RACK1: variants seen among roughly 807,000 people sequenced by gnomAD.
RACK1 encodes receptor for activated C kinase 1.
Under a neutral mutation model 42.2 loss-of-function variants are expected in RACK1, and 3 were observed. That is an observed-to-expected ratio of 0.07 (90% confidence interval 0.03 to 0.18). The LOEUF (loss-of-function observed/expected upper bound fraction) is 0.18, where lower values mean the gene tolerates loss of function less well. Ranked by LOEUF, RACK1 falls within the 10% of genes least tolerant of loss-of-function variation. The pLI is 1.00. For missense variants in RACK1, 146 were observed against 403.2 expected (o/e 0.36, Z 5.46); for synonymous variants, 181 against 154.8 (o/e 1.17, Z -1.25).
At chr5:181,237,097 A>C in intron 7 of RACK1, 55 bp from the exon 8 acceptor site, 8 of 1,608,888 alleles carry the variant, frequency 5.0e-6, no homozygotes, top group Non-Finnish European at 6.8e-6. Context: ...CTGCAGTCTC[A>C]CTAGATTCAG....
In RACK1 at chr5:181,237,580, G is replaced by C. The variant is rs747018485; in HGVS notation, c.888+29C>G. On this transcript the variant is annotated intron_variant, in intron 7 of 7. Transcript: ENST00000512805. ...AGAGGGAGAAAATTAACTGGAAGCA[G>C]AATCACCTGAGAGGACAGACCCACT... 3.6e-6 allele frequency: 4 copies of C among 1,109,848 alleles called. No homozygotes were observed. In the Admixed American group the frequency reaches 5.1e-5, roughly 14 times the overall value. 68.8% of individuals were successfully genotyped at this position (1,109,848 alleles called of 1,614,324 possible).
intron 5 of RACK1, 116 bp from the exon 6 acceptor site, chr5:181,238,355 T>C: frequency 9.3e-7 from 1 of 1,073,706 alleles, no homozygotes. Flanking sequence ...CCAGGCTTCT[T>C]TGAAAGCTAA....
At chr5:181,242,457 G>A (rs1456633726) in intron 1 of RACK1, 112 bp from the exon 2 acceptor site, 12 of 713,078 alleles carry the variant, frequency 1.7e-5, no homozygotes, top group South Asian at 1.2e-4. Context: ...AACTAAGGAC[G>A]CTTAAGGAGG....
Position 181,241,596 on chromosome 5 carries a change from G to A in RACK1, c.325C>T (p.Leu109=). ...RRFVGHTKDV[L]SVAFSSDNRQ... is the part of the protein sequence containing the mutation. ...TTGTCAGAGGAGAAGGCCACACTCA[G>A]CACATCCTTGGTATGGCCCACAAAT... The change falls in exon 3 of 8, where the codon CTG becomes TTG. Residue 109 remains leucine, a synonymous_variant. Transcript: ENST00000512805. 6.2e-7 allele frequency: 1 copy of A among 1,614,050 alleles called. No individual in the cohort carries two copies. The highest frequency in any genetic ancestry group is 2.2e-5 in the East Asian group (1 of 44,882).
chr5:181,243,198 C>A (rs1264252097), intron 1 of RACK1: 2 of 1,118,176 alleles, frequency 1.8e-6, no homozygotes, highest in Middle Eastern at 2.3e-4. Context: ...TAAACGCAGT[C>A]AGGAACACAG....
intron 3 of RACK1, 59 bp downstream of exon 3, chr5:181,241,426 CAAAAAAA>C (rs57063983): frequency 1.8e-5 from 19 of 1,074,520 alleles, no homozygotes; most frequent in African/African-American, 5.6e-5. Flanking sequence ...AGACTGTCGC[CAAAAAAA>C]AAAAAAAAAA....
intron 5 of RACK1, chr5:181,238,839 A>C (rs1299159175): frequency 1.8e-6 from 1 of 547,402 alleles, no homozygotes. Context: ...AAACAACAAA[A>C]AAAACCCACA....
intron 1 of RACK1, chr5:181,243,391 A>G (rs1759429458): frequency 7.0e-7 from 1 of 1,427,304 alleles, no homozygotes; most frequent in Non-Finnish European, 9.3e-7. Flanking sequence ...CCCGGCCCGT[A>G]GGCCCCCGGC....
rs1759208271 is a variant in RACK1 at position 181,238,093 on chromosome 5, A to G, written c.777+6T>C. ...AGGTACCCAGTCAATTGTAACCCAC[A>G]CTCACCCAGATCTTGATGCTGGGGC... On this transcript the variant is annotated splice_donor_region_variant and intron_variant, in intron 6 of 7. Transcript: ENST00000512805. 6 of 1,613,852 alleles carry G rather than the reference A, an allele frequency of 3.7e-6. No individual in the cohort carries two copies. Among genetic ancestry groups the G allele is most frequent in the Non-Finnish European group, 5.1e-6 (6 of 1,179,908 alleles).
In RACK1 at chr5:181,241,543, A is replaced by G. The variant is rs759081911; in HGVS notation, c.378T>C (p.Asp126=). Residue 126 remains aspartate, a synonymous_variant, in exon 3 of 8, where the codon GAT becomes GAC. Coordinates refer to ENST00000512805, the MANE Select transcript of RACK1 (RefSeq NM_006098.5). ...DNRQIVSGSR[D]KTIKLWNTLG... ...GGGTATTCCATAGCTTGATGGTTTT[A>G]TCTCGAGATCCAGAGACAATCTGCC... The G allele has an allele frequency of 6.2e-7, 1 of 1,613,668 alleles. No individual in the cohort carries two copies. Among genetic ancestry groups the G allele is most frequent in the South Asian group, 1.1e-5 (1 of 91,078 alleles).
chr5:181,238,403 C>G (rs1759215975), intron 5 of RACK1, 164 bp from the exon 6 acceptor site: 1 of 669,822 alleles, frequency 1.5e-6, no homozygotes, highest in Non-Finnish European at 2.5e-6. Context: ...TATACCTTTC[C>G]TTTAACGTAA....
chr5:181,241,721 T>G, intron 2 of RACK1, 82 bp from the exon 3 acceptor site: 8 of 1,429,112 alleles, frequency 5.6e-6, no homozygotes, highest in Non-Finnish European at 7.9e-6. Flanking sequence ...GCTTTGTCTC[T>G]GTCTCATTGC....
intron 5 of RACK1, 59 bp from the exon 6 acceptor site, chr5:181,238,298 C>G (rs746346568): frequency 6.8e-5 from 105 of 1,555,030 alleles, no homozygotes; most frequent in Non-Finnish European, 8.4e-5. Context: ...TAATTCTGCC[C>G]ATCTCAAGAT....
In RACK1 at chr5:181,242,771, C is replaced by A. The variant is rs563295395; in HGVS notation, c.110-426G>T. 2.3e-5 allele frequency: 8 copies of A among 348,328 alleles called. No homozygotes were observed. The East Asian group carries it at 6.3e-4, about 28-fold the overall frequency. The allele number at this position is 348,328 out of a possible 1,614,324, so 21.6% of individuals were successfully genotyped here. ...AGATGCGGTTTCACCATTGGCCAGG[C>A]TAGTCTCTAACTCCTGATCTCAAGT... is the stretch of plus-strand genomic sequence containing the variant. On this transcript the variant is annotated intron_variant, in intron 1 of 7. Coordinates refer to ENST00000512805, the MANE Select transcript of RACK1 (RefSeq NM_006098.5).
At chr5:181,241,818 C>T (rs1208055416) in intron 2 of RACK1, 179 bp from the exon 3 acceptor site, 1 of 805,850 alleles carries the variant, frequency 1.2e-6, no homozygotes, top group Non-Finnish European at 2.2e-6. Flanking sequence ...ACAGAGAATC[C>T]CTTCAGAATT....
Position 181,236,941 on chromosome 5 carries a change from G to GTTTTTTTTTTT in RACK1, c.*35_*36insAAAAAAAAAAA. ...AAAAACCTAAAAGTCAGAAAAGCCA[G>GTTTTTTTTTTT]TTTTTTTTTTATTTGTAAAGCTCTG... On this transcript the variant is annotated 3_prime_UTR_variant, in exon 8 of 8. Transcript: ENST00000512805. 7.3e-7 allele frequency: 1 copy of GTTTTTTTTTTT among 1,371,372 alleles called. No homozygotes were observed. The highest frequency in any genetic ancestry group is 9.9e-7 in the Non-Finnish European group (1 of 1,010,372). The allele number at this position is 1,371,372 out of a possible 1,614,324, so 85.0% of individuals were successfully genotyped here.
chr5:181,243,232 G>C, intron 1 of RACK1: 1 of 1,321,460 alleles, frequency 7.6e-7, no homozygotes, highest in Middle Eastern at 2.1e-4. Flanking sequence ...GAGAACCAGG[G>C]GCAGAAAAAG....
chr5:181,239,490 G>T lies in RACK1; in HGVS notation c.522C>A (p.Val174=). 1 of 1,611,906 alleles carries T rather than the reference G, an allele frequency of 6.2e-7. No individual in the cohort carries two copies. The highest frequency in any genetic ancestry group is 1.1e-5 in the South Asian group (1 of 90,984). The stretch of plus-strand genomic sequence containing the variant: ...CCTGCCTTGGCTTGACGCTCACCTT[G>T]ACCAGCTTGTCCCAGCCACAGGAGA... ...IIVSCGWDKL[V]KVWNLANCKL... The change falls in exon 4 of 8, where the codon GTC becomes GTA. Residue 174 remains valine, a synonymous_variant. Transcript: ENST00000512805.
intron 6 of RACK1, 74 bp downstream of exon 6, chr5:181,238,025 C>T: frequency 2.0e-6 from 3 of 1,515,238 alleles, no homozygotes; most frequent in Admixed American, 1.7e-5. Flanking sequence ...AGTCAGATGG[C>T]ATATATAATA....
Sources: gnomAD v4.1 joint callset for allele counts on GRCh38, gnomAD v4.1.1 for gene constraint, MANE v1.5 for transcripts, NCBI Gene and HGNC (gene_info 2026-07-23, HGNC 2026-07-21) for gene names.